Variants in KCNB2 observed in about 807,000 individuals in gnomAD.
The protein encoded by KCNB2 is delayed rectifier potassium channel protein.
In KCNB2, 15 loss-of-function variants were observed where a neutral mutation model predicts 61.5. That is an observed-to-expected ratio of 0.24 (90% CI 0.16 to 0.38). The LOEUF is 0.38. Ranked by LOEUF, KCNB2 falls within the 10% of genes least tolerant of loss-of-function variation. KCNB2 has a pLI of 1.00. For missense variants in KCNB2, 828 were observed against 1,125.2 expected, an observed-to-expected ratio of 0.74 and a Z score of 3.78; for synonymous variants, 457 against 446.0, an observed-to-expected ratio of 1.02 and a Z score of -0.31.
intron 2 of KCNB2, among the ~76,000 whole-genome samples, chr8:72,780,451 T>C (rs916274292): frequency 2.0e-5 from 3 of 152,210 alleles, no homozygotes; most frequent in African/African-American, 7.2e-5. Flanking sequence ...TCAGAGAGCT[T>C]TCCAAACTTG....
At chr8:72,698,673 C>A (rs1195290523) in intron 2 of KCNB2, among the ~76,000 whole-genome samples, 2 of 152,062 alleles carry the variant, frequency 1.3e-5, no homozygotes, top group Non-Finnish European at 2.9e-5. Context: ...GACGCATATA[C>A]CAACTGAGCA....
intron 2 of KCNB2, among the ~76,000 whole-genome samples, chr8:72,856,598 C>G (rs773011764): frequency 1.3e-4 from 20 of 152,080 alleles, no homozygotes; most frequent in Non-Finnish European, 2.2e-4. Context: ...TACATAATAT[C>G]TGTAGATAGT....
chr8:72,800,629 A>G (rs573941677), intron 2 of KCNB2, among the ~76,000 whole-genome samples: 15 of 152,326 alleles, frequency 9.8e-5, no homozygotes, highest in Admixed American at 8.5e-4. Context: ...TTCAATATCT[A>G]ATTTGTCTGT....
chr8:72,594,668 C>G (rs1403968586), intron 2 of KCNB2, among the ~76,000 whole-genome samples: 1 of 152,114 alleles, frequency 6.6e-6, no homozygotes, highest in African/African-American at 2.4e-5. Context: ...TTTTCCATAC[C>G]TGAGAATCAT....
intron 2 of KCNB2, among the ~76,000 whole-genome samples, chr8:72,905,018 G>A (rs1349292748): frequency 6.6e-6 from 1 of 152,246 alleles, no homozygotes; most frequent in East Asian, 1.9e-4. Flanking sequence ...AAGATCTGGA[G>A]AATGATGATG....
intron 2 of KCNB2, among the ~76,000 whole-genome samples, chr8:72,600,911 T>C (rs950915257): frequency 2.0e-5 from 3 of 151,564 alleles, no homozygotes; most frequent in African/African-American, 4.9e-5. Context: ...ACCTGGATAA[T>C]GAAATAGTCA....
chr8:72,672,128 A>G (rs1806575509), intron 2 of KCNB2, among the ~76,000 whole-genome samples: 4 of 152,218 alleles, frequency 2.6e-5, no homozygotes, highest in Non-Finnish European at 5.9e-5. Context: ...ATTCAAATGT[A>G]GTGGTTTCTT....
chr8:72,595,483 GCC>G (rs1156966988), intron 2 of KCNB2, among the ~76,000 whole-genome samples: 2 of 151,628 alleles, frequency 1.3e-5, no homozygotes, highest in East Asian at 3.9e-4. Context: ...GTGCCACCAC[GCC>G]CAGCTAATTT....
At chr8:72,809,138 A>C (rs1809267801) in intron 2 of KCNB2, among the ~76,000 whole-genome samples, 1 of 152,160 alleles carries the variant, frequency 6.6e-6, no homozygotes. Flanking sequence ...AAGTTATCTT[A>C]GCAATCAGAA....
At chr8:72,838,895 A>C (rs7845247) in intron 2 of KCNB2, among the ~76,000 whole-genome samples, 129,746 of 152,132 alleles carry the variant, frequency 0.85, 56,296 homozygotes, top group Middle Eastern at 0.97. Context: ...GACAATCCTC[A>C]CTCTACTTTT....
chr8:72,804,791 C>G (rs1209637230), intron 2 of KCNB2, among the ~76,000 whole-genome samples: 1 of 152,148 alleles, frequency 6.6e-6, no homozygotes, highest in African/African-American at 2.4e-5. Context: ...TAACTGTTGG[C>G]ACTACCAAGA....
chr8:72,624,523 T>TG (rs201210435), intron 2 of KCNB2, among the ~76,000 whole-genome samples: 3 of 152,142 alleles, frequency 2.0e-5, no homozygotes, highest in African/African-American at 4.8e-5. Context: ...CTCAGAGATA[T>TG]GGGTTTTTTT....
At chr8:72,812,779 C>G (rs1424772856) in intron 2 of KCNB2, among the ~76,000 whole-genome samples, 1 of 152,080 alleles carries the variant, frequency 6.6e-6, no homozygotes, top group Non-Finnish European at 1.5e-5. Context: ...GTTGCTAGAT[C>G]TTGGTAGCTA....
Position 72,587,263 on chromosome 8 carries a change from CGAGACT to C in KCNB2, c.579+18953_579+18958del, listed in dbSNP as rs200471506. Among the ~76,000 whole-genome samples, 11 of 152,210 alleles carry C rather than the reference CGAGACT, an allele frequency of 7.2e-5. No individual in the cohort carries two copies. The East Asian group carries it at 1.9e-3, about 27-fold the overall frequency. ...TCCACTTGTCAGCCTATCCACCTCC[CGAGACT>C]GAAAGCTTCTTGAAGACAGGGAGTA... is the stretch of plus-strand genomic sequence containing the variant. On this transcript the variant is annotated intron_variant, in intron 2 of 2. Coordinates refer to ENST00000523207, the MANE Select transcript of KCNB2 (RefSeq NM_004770.3).
chr8:72,828,750 T>C (rs770932431), intron 2 of KCNB2, among the ~76,000 whole-genome samples: 23 of 152,224 alleles, frequency 1.5e-4, no homozygotes, highest in Non-Finnish European at 3.1e-4. Context: ...TTTAATTCTT[T>C]AAGCCTAGAA....
intron 2 of KCNB2, among the ~76,000 whole-genome samples, chr8:72,695,062 C>G (rs1190097841): frequency 1.3e-5 from 2 of 151,854 alleles, no homozygotes; most frequent in Admixed American, 1.3e-4. Flanking sequence ...GCCTGTATTC[C>G]CTTACCTGTA....
At chr8:72,744,178 C>G (rs1275370625) in intron 2 of KCNB2, among the ~76,000 whole-genome samples, 1 of 152,064 alleles carries the variant, frequency 6.6e-6, no homozygotes, top group African/African-American at 2.4e-5. Context: ...AAGAGAAGAC[C>G]AAGTGCAGGA....
chr8:72,578,855 C>T (rs1028536446), intron 2 of KCNB2, among the ~76,000 whole-genome samples: 3 of 152,194 alleles, frequency 2.0e-5, no homozygotes, highest in African/African-American at 7.2e-5. Flanking sequence ...TTTTCTCCCC[C>T]GTTGCACTTT....
intron 2 of KCNB2, among the ~76,000 whole-genome samples, chr8:72,935,486 G>A (rs763270283): frequency 5.3e-5 from 8 of 152,130 alleles, no homozygotes; most frequent in African/African-American, 1.4e-4. Context: ...TCCAGGTGTC[G>A]GTCTGAGTTT....
Sources: allele counts gnomAD v4.1 joint callset (sites outside exome capture counted in the v4.1 genomes callset), GRCh38; gene constraint gnomAD v4.1.1; transcripts MANE v1.5; gene names NCBI Gene and HGNC (gene_info 2026-07-23, HGNC 2026-07-21).